The following NRXN3 variants were observed in gnomAD, a reference collection of about 807,000 sequenced individuals.
The protein encoded by NRXN3 is neurexin 3.
In NRXN3, 32 loss-of-function variants were observed where a neutral mutation model predicts 137.6. That is an observed-to-expected ratio of 0.23 (90% CI 0.18 to 0.31). The LOEUF (loss-of-function observed/expected upper bound fraction) is 0.31. NRXN3 is among the 10% of genes least tolerant of loss of function. NRXN3 has a pLI of 1.00. For missense variants in NRXN3, 1,574 were observed against 2,062.5 expected, an observed-to-expected ratio of 0.76 and a Z score of 4.59; for synonymous variants, 798 against 784.5, an observed-to-expected ratio of 1.02 and a Z score of -0.29.
intron 15 of NRXN3, among the ~76,000 whole-genome samples, chr14:79,255,312 A>T (rs1037916597): frequency 5.3e-5 from 8 of 152,144 alleles, no homozygotes; most frequent in Non-Finnish European, 1.2e-4. Flanking sequence ...AATAGGCCAG[A>T]TTTTCCTAGC....
chr14:78,847,711 G>A (rs1474649406), intron 10 of NRXN3, among the ~76,000 whole-genome samples: 2 of 152,012 alleles, frequency 1.3e-5, no homozygotes, highest in Admixed American at 6.6e-5. Context: ...TTACAATTCC[G>A]ATTACCCTTC....
chr14:78,708,044 C>A (rs1458720371), intron 6 of NRXN3, among the ~76,000 whole-genome samples: 1 of 152,196 alleles, frequency 6.6e-6, no homozygotes, highest in African/African-American at 2.4e-5. Flanking sequence ...ATAATGACTT[C>A]TTTTCCTCTG....
intron 10 of NRXN3, among the ~76,000 whole-genome samples, chr14:78,864,536 G>A (rs2099081493): frequency 6.6e-6 from 1 of 151,986 alleles, no homozygotes; most frequent in African/African-American, 2.4e-5. Flanking sequence ...AGATACTCTG[G>A]TCATTATGAG....
intron 4 of NRXN3, among the ~76,000 whole-genome samples, chr14:78,407,588 G>C (rs543940830): frequency 4.6e-5 from 7 of 152,236 alleles, no homozygotes; most frequent in African/African-American, 1.4e-4. Flanking sequence ...GGAGTCCTAG[G>C]CATTGACTCT....
Position 79,097,322 on chromosome 14 carries a change from C to T in NRXN3, c.3262+109181C>T, listed in dbSNP as rs147225594. ...GCCTACTGTAACCCTAGGAGTTTGGCGGCTGCTAATATCTAAAAATGCGCT... is the reference window on the plus strand; with the variant it reads ...GCCTACTGTAACCCTAGGAGTTTGGTGGCTGCTAATATCTAAAAATGCGCT... On this transcript the variant is annotated intron_variant, in intron 15 of 20. Transcript: ENST00000335750. Among the ~76,000 whole-genome samples, 563 of 152,180 alleles carry T rather than the reference C, an allele frequency of 3.7e-3. 1 individual carries two copies. Among genetic ancestry groups the T allele is most frequent in the African/African-American group, 0.013 (537 of 41,514 alleles).
chr14:78,333,131 A>G (rs1446447537), intron 4 of NRXN3, among the ~76,000 whole-genome samples: 1 of 152,212 alleles, frequency 6.6e-6, no homozygotes, highest in African/African-American at 2.4e-5. Flanking sequence ...AGAGCATCCA[A>G]ACCTAAGGCA....
intron 16 of NRXN3, among the ~76,000 whole-genome samples, chr14:79,608,701 T>G (rs914285528): frequency 4.6e-5 from 7 of 152,214 alleles, no homozygotes; most frequent in African/African-American, 1.7e-4. Context: ...GGGCAATATG[T>G]TAACGAATTA....
chr14:79,120,861 A>AC (rs2055292715), intron 15 of NRXN3, among the ~76,000 whole-genome samples: 1 of 152,158 alleles, frequency 6.6e-6, no homozygotes, highest in South Asian at 2.1e-4. Context: ...CTTACTCTTT[A>AC]CAAGTAGGAG....
chr14:78,410,443 A>G (rs1457017164), intron 4 of NRXN3, among the ~76,000 whole-genome samples: 2 of 152,200 alleles, frequency 1.3e-5, no homozygotes, highest in African/African-American at 4.8e-5. Flanking sequence ...AGTGGCATGA[A>G]TAATAGGAAA....
intron 6 of NRXN3, among the ~76,000 whole-genome samples, chr14:78,684,670 T>C (rs1203751405): frequency 6.6e-6 from 1 of 152,154 alleles, no homozygotes; most frequent in African/African-American, 2.4e-5. Flanking sequence ...GGAATACACC[T>C]GTAGTCCCAG....
At chr14:79,680,131 T>A (rs1054073673) in intron 17 of NRXN3, among the ~76,000 whole-genome samples, 2 of 152,182 alleles carry the variant, frequency 1.3e-5, no homozygotes, top group African/African-American at 4.8e-5. Flanking sequence ...CTCAATGAGT[T>A]TAAAAAGGCT....
In NRXN3 at chr14:78,823,733, G is replaced by A. The variant is rs74065220; in HGVS notation, c.2275+13389G>A. ...GGAATTTATGCTGAGCAGGGTAGCT[G>A]AATATACATATTTAATACACTATAG... On this transcript the variant is annotated intron_variant, in intron 10 of 20. Coordinates refer to ENST00000335750, the MANE Select transcript of NRXN3 (RefSeq NM_001330195.2). 7.2e-3 allele frequency among the ~76,000 whole-genome samples: 1,103 copies of A among 152,162 alleles called. 13 individuals are homozygous for A. Among genetic ancestry groups the A allele is most frequent in the African/African-American group, 0.024 (1,012 of 41,498 alleles).
At chr14:79,493,285 A>C (rs1439166676) in intron 16 of NRXN3, among the ~76,000 whole-genome samples, 1 of 152,228 alleles carries the variant, frequency 6.6e-6, no homozygotes, top group Non-Finnish European at 1.5e-5. Flanking sequence ...CCTCCACAAA[A>C]GGTAATTAAT....
At chr14:79,760,082 T>G (rs759301428) in intron 19 of NRXN3, among the ~76,000 whole-genome samples, 8 of 151,694 alleles carry the variant, frequency 5.3e-5, no homozygotes, top group Non-Finnish European at 8.8e-5. Flanking sequence ...ACTATGTGTG[T>G]GCATGTGTGT....
At chr14:79,136,709 C>T (rs1230084408) in intron 15 of NRXN3, among the ~76,000 whole-genome samples, 2 of 152,182 alleles carry the variant, frequency 1.3e-5, no homozygotes, top group Non-Finnish European at 2.9e-5. Context: ...TTCATAAATA[C>T]AAACGTTAGA....
chr14:78,675,304 C>A (rs2097990506), intron 6 of NRXN3, among the ~76,000 whole-genome samples: 1 of 152,046 alleles, frequency 6.6e-6, no homozygotes, highest in Non-Finnish European at 1.5e-5. Flanking sequence ...AAAGCCTGGG[C>A]AAGAATTAAT....
intron 4 of NRXN3, among the ~76,000 whole-genome samples, chr14:78,513,840 G>C (rs1306269995): frequency 6.6e-6 from 1 of 152,074 alleles, no homozygotes; most frequent in Non-Finnish European, 1.5e-5. Flanking sequence ...CATGCAGAAA[G>C]CTTACTGCCA....
chr14:79,134,361 G>A (rs2057995049), intron 15 of NRXN3, among the ~76,000 whole-genome samples: 3 of 152,154 alleles, frequency 2.0e-5, no homozygotes, highest in Non-Finnish European at 4.4e-5. Context: ...TTCTCAATTA[G>A]GAAACTTGAA....
At chr14:79,848,423 A>G (rs541706795) in intron 20 of NRXN3, among the ~76,000 whole-genome samples, 1 of 152,242 alleles carries the variant, frequency 6.6e-6, no homozygotes, top group African/African-American at 2.4e-5. Flanking sequence ...AAATTTGTAA[A>G]CTTTCTTAAA....
Sources: allele counts gnomAD v4.1 joint callset (sites outside exome capture counted in the v4.1 genomes callset), GRCh38; gene constraint gnomAD v4.1.1; transcripts MANE v1.5; gene names NCBI Gene and HGNC (gene_info 2026-07-23, HGNC 2026-07-21).